The following ASIC2 variants were observed in gnomAD, a reference collection of about 807,000 sequenced individuals.
ASIC2 encodes the protein acid sensing ion channel subunit 2, also known as acid-sensing ion channel 2.
A neutral mutation model predicts 57.3 loss-of-function variants in ASIC2; 25 were observed. That is an observed-to-expected ratio of 0.44 (90% confidence interval 0.32 to 0.61). The LOEUF (loss-of-function observed/expected upper bound fraction) is 0.61. Ranked by LOEUF, ASIC2 falls within the 20% of genes least tolerant of loss-of-function variation. The pLI is 0.06. For missense variants in ASIC2, 641 were observed against 738.1 expected (o/e 0.87, Z 1.52); for synonymous variants, 319 against 307.5 (o/e 1.04, Z -0.39).
chr17:33,638,263 G>C (rs1470636740), intron 1 of ASIC2, among the ~76,000 whole-genome samples: 1 of 152,098 alleles, frequency 6.6e-6, no homozygotes, highest in Non-Finnish European at 1.5e-5. Context: ...AGTTTTACAA[G>C]GGTGATTTAG....
At chr17:33,934,925 C>T (rs1382289572) in intron 1 of ASIC2, among the ~76,000 whole-genome samples, 1 of 152,206 alleles carries the variant, frequency 6.6e-6, no homozygotes, top group Non-Finnish European at 1.5e-5. Flanking sequence ...CCTCTGCCAC[C>T]CCATTCTCCA....
At position 33,770,167 on chromosome 17, in the gene ASIC2, G is replaced by T. The variant is rs188363449; in HGVS notation, c.555+385811C>A. Among the ~76,000 whole-genome samples the T allele has an allele frequency of 2.6e-5, 4 of 152,336 alleles. No homozygotes were observed. In the East Asian group the frequency reaches 7.7e-4, roughly 29 times the overall value. On this transcript the variant is annotated intron_variant, in intron 1 of 9. Transcript: ENST00000359872. ...ATCTCACCCAGCTCTGTGGTGGAAT[G>T]TGGAAGCAAAGAGAAGTTGCCCTGG...
chr17:33,820,294 T>C (rs1453248417), intron 1 of ASIC2, among the ~76,000 whole-genome samples: 6 of 152,238 alleles, frequency 3.9e-5, no homozygotes, highest in South Asian at 2.1e-4. Context: ...GTTATTTTCA[T>C]TGAAAACTGA....
intron 3 of ASIC2, among the ~76,000 whole-genome samples, chr17:33,069,296 A>G (rs548416378): frequency 2.0e-5 from 3 of 152,278 alleles, no homozygotes; most frequent in South Asian, 2.1e-4. Context: ...ACTCGTAAAG[A>G]ATGTGTATTT....
At chr17:33,217,088 G>A (rs1832290126) in intron 1 of ASIC2, among the ~76,000 whole-genome samples, 1 of 152,206 alleles carries the variant, frequency 6.6e-6, no homozygotes, top group Non-Finnish European at 1.5e-5. Flanking sequence ...TGGCTTGAAT[G>A]TTACAGTAAA....
At chr17:33,470,219 C>A (rs560708322) in intron 1 of ASIC2, among the ~76,000 whole-genome samples, 20 of 152,196 alleles carry the variant, frequency 1.3e-4, no homozygotes, top group African/African-American at 4.8e-4. Context: ...AAACTGTGGG[C>A]GTGGGTCTTA....
chr17:33,565,236 TG>T (rs1916197224), intron 1 of ASIC2, among the ~76,000 whole-genome samples: 1 of 152,222 alleles, frequency 6.6e-6, no homozygotes, highest in East Asian at 1.9e-4. Context: ...CTTTTCCATA[TG>T]AGCCATCCAA....
chr17:33,951,351 G>C (rs1484885889), intron 1 of ASIC2, among the ~76,000 whole-genome samples: 1 of 151,980 alleles, frequency 6.6e-6, no homozygotes, highest in African/African-American at 2.4e-5. Flanking sequence ...CACATAAAAG[G>C]TAGAACTGAG....
intron 1 of ASIC2, among the ~76,000 whole-genome samples, chr17:33,757,491 T>C (rs1383804836): frequency 6.6e-6 from 1 of 152,164 alleles, no homozygotes; most frequent in Admixed American, 6.5e-5. Context: ...CTGTTCATTT[T>C]GCACTTAATG....
chr17:33,818,428 G>A (rs953250911), intron 1 of ASIC2, among the ~76,000 whole-genome samples: 12 of 152,130 alleles, frequency 7.9e-5, no homozygotes, highest in African/African-American at 2.9e-4. Context: ...CAAGATCCAT[G>A]GTTCAGAAGC....
chr17:33,170,372 G>A (rs1388037931), intron 1 of ASIC2, among the ~76,000 whole-genome samples: 1 of 152,132 alleles, frequency 6.6e-6, no homozygotes, highest in Non-Finnish European at 1.5e-5. Context: ...ATCTCCCATT[G>A]TTGTTTTTAA....
intron 1 of ASIC2, among the ~76,000 whole-genome samples, chr17:33,906,014 T>TAA (rs1915340181): frequency 1.4e-5 from 2 of 148,068 alleles, no homozygotes; most frequent in East Asian, 2.0e-4. Flanking sequence ...TAATTAAATT[T>TAA]TTTTTTTTTT....
At chr17:33,547,432 T>C (rs1915615870) in intron 1 of ASIC2, among the ~76,000 whole-genome samples, 1 of 152,164 alleles carries the variant, frequency 6.6e-6, no homozygotes, top group East Asian at 1.9e-4. Flanking sequence ...TCCAGACCCA[T>C]TGAATTGTCC....
intron 2 of ASIC2, among the ~76,000 whole-genome samples, chr17:33,092,731 G>A (rs1225928344): frequency 2.6e-5 from 4 of 152,260 alleles, no homozygotes; most frequent in Non-Finnish European, 5.9e-5. Flanking sequence ...TCCACCAGGA[G>A]TGTGGTTTAT....
intron 1 of ASIC2, among the ~76,000 whole-genome samples, chr17:34,015,534 C>T (rs1374153517): frequency 1.3e-5 from 2 of 152,240 alleles, no homozygotes. Flanking sequence ...AGAGCATCTG[C>T]TCTCCTATCT....
intron 1 of ASIC2, among the ~76,000 whole-genome samples, chr17:33,396,635 T>C (rs541408304): frequency 1.3e-5 from 2 of 152,296 alleles, no homozygotes; most frequent in East Asian, 3.9e-4. Flanking sequence ...AAATAATTTA[T>C]AAACATCTAT....
chr17:33,974,409 T>C (rs1905310953), intron 1 of ASIC2, among the ~76,000 whole-genome samples: 1 of 152,186 alleles, frequency 6.6e-6, no homozygotes, highest in South Asian at 2.1e-4. Flanking sequence ...TGGCTTTGCC[T>C]GCCTGGCACC....
chr17:33,916,054 A>G (rs1485484376), intron 1 of ASIC2, among the ~76,000 whole-genome samples: 1 of 152,134 alleles, frequency 6.6e-6, no homozygotes, highest in Non-Finnish European at 1.5e-5. Flanking sequence ...GACTATGCCT[A>G]CTTTCCTACC....
chr17:33,683,220 A>G (rs931832921), intron 1 of ASIC2, among the ~76,000 whole-genome samples: 18 of 152,116 alleles, frequency 1.2e-4, no homozygotes, highest in Non-Finnish European at 2.5e-4. Flanking sequence ...GGTGCCCGCC[A>G]CCACGCCCAG....
Sources: allele counts gnomAD v4.1 joint callset (sites outside exome capture counted in the v4.1 genomes callset), GRCh38; gene constraint gnomAD v4.1.1; transcripts MANE v1.5; gene names NCBI Gene and HGNC (gene_info 2026-07-23, HGNC 2026-07-21).